Variants in ZDHHC20 observed in about 807,000 individuals in gnomAD.
ZDHHC20 encodes zDHHC palmitoyltransferase 20.
A neutral mutation model predicts 57.8 loss-of-function variants in ZDHHC20; 43 were observed. The observed-to-expected ratio is 0.74, with a 90% CI of 0.58 to 0.96. ZDHHC20 has a LOEUF of 0.96. Among genes scored for constraint, ZDHHC20 ranks in the 40% least tolerant of loss-of-function variants. ZDHHC20 has a pLI of 0.00. For synonymous variants in ZDHHC20, 157 were observed against 153.0 expected (o/e 1.03, Z -0.19); for missense variants, 391 against 441.1 (o/e 0.89, Z 1.02).
chr13:21,440,752 A>G (rs899774600), intron 1 of ZDHHC20, among the ~76,000 whole-genome samples: 3 of 152,144 alleles, frequency 2.0e-5, no homozygotes, highest in African/African-American at 7.2e-5. Flanking sequence ...TATGTATCCA[A>G]TTGTCCCATC....
chr13:21,406,315 T>C (rs981468870), intron 4 of ZDHHC20, among the ~76,000 whole-genome samples: 12 of 152,250 alleles, frequency 7.9e-5, no homozygotes, highest in Admixed American at 7.2e-4. Context: ...ATTCTTCTTA[T>C]ACTACTTACT....
chr13:21,394,290 TTC>T (rs1356900834), intron 7 of ZDHHC20, among the ~76,000 whole-genome samples: 6 of 152,230 alleles, frequency 3.9e-5, no homozygotes, highest in Non-Finnish European at 7.3e-5. Context: ...CTGAATGCTC[TTC>T]TCTCAGATAT....
At chr13:21,402,261 T>C (rs1417398748) in intron 5 of ZDHHC20, among the ~76,000 whole-genome samples, 4 of 152,156 alleles carry the variant, frequency 2.6e-5, no homozygotes, top group Non-Finnish European at 4.4e-5. Flanking sequence ...TGGTTATTTT[T>C]CCACATATTC....
chr13:21,378,768 C>CAAAAAAAAAA (rs751093398), intron 11 of ZDHHC20, 30 bp from the exon 12 acceptor site: 1 of 628,762 alleles, frequency 1.6e-6, no homozygotes, highest in African/African-American at 2.5e-5. Flanking sequence ...TATGACATGA[C>CAAAAAAAAAA]AAAAAAAAAA....
At chr13:21,378,773 A>C in intron 11 of ZDHHC20, 35 bp from the exon 12 acceptor site, 1 of 1,129,646 alleles carries the variant, frequency 8.9e-7, no homozygotes, top group Non-Finnish European at 1.2e-6. Context: ...CATGACAAAA[A>C]AAAAAAAAAA....
intron 9 of ZDHHC20, among the ~76,000 whole-genome samples, chr13:21,387,296 CCATT>C (rs765324438): frequency 1.3e-5 from 2 of 151,610 alleles, no homozygotes; most frequent in Non-Finnish European, 2.9e-5. Context: ...CTTCTACTTC[CCATT>C]CAAATATATA....
At chr13:21,398,734 C>G (rs1254556347) in intron 7 of ZDHHC20, among the ~76,000 whole-genome samples, 1 of 152,140 alleles carries the variant, frequency 6.6e-6, no homozygotes, top group Non-Finnish European at 1.5e-5. Context: ...ATAGAAAGAA[C>G]AGTGAAATGA....
At chr13:21,400,038 T>C (rs779057838) in intron 7 of ZDHHC20, among the ~76,000 whole-genome samples, 9 of 151,712 alleles carry the variant, frequency 5.9e-5, no homozygotes, top group Non-Finnish European at 8.8e-5. Context: ...CCTGTCTTTA[T>C]AGATTTTATT....
chr13:21,448,958 C>T (rs2138050598), intron 1 of ZDHHC20, among the ~76,000 whole-genome samples: 1 of 105,266 alleles, frequency 9.5e-6, no homozygotes, highest in African/African-American at 3.2e-5. Context: ...TGTGTCCACT[C>T]AGGGTTAAAT....
intron 7 of ZDHHC20, among the ~76,000 whole-genome samples, chr13:21,395,910 T>C (rs1384607415): frequency 6.6e-6 from 1 of 151,994 alleles, no homozygotes; most frequent in African/African-American, 2.4e-5. Context: ...AGCAAACCAC[T>C]CACCCAGGAG....
intron 1 of ZDHHC20, among the ~76,000 whole-genome samples, chr13:21,430,865 C>G (rs1881830790): frequency 6.6e-6 from 1 of 152,072 alleles, no homozygotes; most frequent in South Asian, 2.1e-4. Context: ...TCAGAGTCTC[C>G]TCAGGTTTGT....
chr13:21,435,969 G>T (rs2137979344), intron 1 of ZDHHC20, among the ~76,000 whole-genome samples: 1 of 152,308 alleles, frequency 6.6e-6, no homozygotes, highest in Admixed American at 6.5e-5. Flanking sequence ...TCAGCAACCG[G>T]CAGGGAGCTC....
rs1250805551 is a variant in ZDHHC20 at position 21,373,227 on chromosome 13, T to G, written c.*3469A>C. 1 of 152,224 alleles carries G rather than the reference T, an allele frequency of 6.6e-6. No individual in the cohort carries two copies. Among genetic ancestry groups the G allele is most frequent in the Non-Finnish European group, 1.5e-5 (1 of 68,030 alleles). 9.4% of individuals were successfully genotyped at this position (152,224 alleles called of 1,614,324 possible). On this transcript the variant is annotated 3_prime_UTR_variant, in exon 13 of 13. Transcript: ENST00000400590. Reference sequence around the variant, plus strand: ...TAAGCAAAACTTATTTGTAAGTTACTGCCTATTCAATGCCCAGAATATGTA... The same window carrying G: ...TAAGCAAAACTTATTTGTAAGTTACGGCCTATTCAATGCCCAGAATATGTA...
At position 21,395,089 on chromosome 13, in the gene ZDHHC20, T is replaced by C. The variant is rs1230489300; in HGVS notation, c.595-3235A>G. On this transcript the variant is annotated intron_variant, in intron 7 of 12. Transcript: ENST00000400590. ...TCTTTCTTTTTTTTTTTTTTTGAGATAGAGTCTCGATCTGTAGCCCAGGCT... is the reference window on the plus strand; with the variant it reads ...TCTTTCTTTTTTTTTTTTTTTGAGACAGAGTCTCGATCTGTAGCCCAGGCT... Among the ~76,000 whole-genome samples, 3 of 149,062 alleles carry C rather than the reference T, an allele frequency of 2.0e-5. 1 individual carries two copies. The Admixed American group carries it at 2.0e-4, about 10-fold the overall frequency.
rs1026210812 is a variant in ZDHHC20 at position 21,373,446 on chromosome 13, T to C, written c.*3250A>G. 6.6e-6 allele frequency: 1 copy of C among 152,232 alleles called. No homozygotes were observed. The highest frequency in any genetic ancestry group is 1.5e-5 in the Non-Finnish European group (1 of 68,036). The allele number at this position is 152,232 out of a possible 1,614,324, so 9.4% of individuals were successfully genotyped here. ...AATTCACTCATGACACATTGGATCATAACCACTAATATGTAAAAAGTTTTA... is the reference window on the plus strand; with the variant it reads ...AATTCACTCATGACACATTGGATCACAACCACTAATATGTAAAAAGTTTTA... On this transcript the variant is annotated 3_prime_UTR_variant, in exon 13 of 13. Coordinates refer to ENST00000400590, the MANE Select transcript of ZDHHC20 (RefSeq NM_001330059.2).
intron 2 of ZDHHC20, among the ~76,000 whole-genome samples, chr13:21,423,514 A>G (rs1880884724): frequency 6.6e-6 from 1 of 152,036 alleles, no homozygotes; most frequent in African/African-American, 2.4e-5. Flanking sequence ...CATCTCTACC[A>G]ATACAAAAAA....
intron 1 of ZDHHC20, among the ~76,000 whole-genome samples, chr13:21,437,301 T>C (rs887804147): frequency 2.6e-5 from 4 of 152,380 alleles, no homozygotes; most frequent in African/African-American, 9.6e-5. Flanking sequence ...CAGCAAGTTA[T>C]TCAGAAGATC....
intron 4 of ZDHHC20, among the ~76,000 whole-genome samples, chr13:21,412,983 A>C (rs1410915385): frequency 6.6e-6 from 1 of 151,662 alleles, no homozygotes; most frequent in Non-Finnish European, 1.5e-5. Flanking sequence ...AAAAAAAAAA[A>C]AAAAAAAACA....
intron 7 of ZDHHC20, among the ~76,000 whole-genome samples, chr13:21,398,533 G>T (rs530958301): frequency 6.6e-6 from 1 of 151,860 alleles, no homozygotes; most frequent in Non-Finnish European, 1.5e-5. Flanking sequence ...ATGGAGCTTA[G>T]ATTCTGGCAA....
Sources: allele counts gnomAD v4.1 joint callset (sites outside exome capture counted in the v4.1 genomes callset), GRCh38; gene constraint gnomAD v4.1.1; transcripts MANE v1.5; gene names NCBI Gene and HGNC (gene_info 2026-07-23, HGNC 2026-07-21).